SH3D19: variants seen among roughly 807,000 people sequenced by gnomAD.
SH3D19 encodes the protein SH3 domain containing 19, also known as SH3 domain-containing protein 19.
Under a neutral mutation model 112.1 loss-of-function variants are expected in SH3D19, and 58 were observed. The ratio of observed to expected loss-of-function variants is 0.52; its 90% CI spans 0.42 to 0.64. SH3D19 has a LOEUF of 0.64. Ranked by LOEUF, SH3D19 falls within the 30% of genes least tolerant of loss-of-function variation. The pLI is 0.00. For missense variants in SH3D19, 1,090 were observed against 1,263.4 expected, an observed-to-expected ratio of 0.86 and a Z score of 2.08; for synonymous variants, 391 against 448.5, an observed-to-expected ratio of 0.87 and a Z score of 1.62.
intron 15 of SH3D19, among the ~76,000 whole-genome samples, chr4:151,133,868 T>G (rs1182808161): frequency 6.6e-6 from 1 of 152,190 alleles, no homozygotes; most frequent in African/African-American, 2.4e-5. Flanking sequence ...AATCCTTACA[T>G]GATCTGCAAT....
intron 1 of SH3D19, among the ~76,000 whole-genome samples, chr4:151,267,071 C>A (rs1368855023): frequency 4.6e-5 from 7 of 151,298 alleles, no homozygotes; most frequent in Non-Finnish European, 5.9e-5. Flanking sequence ...GTAATCCCAG[C>A]ACTTCTGGAG....
intron 1 of SH3D19, among the ~76,000 whole-genome samples, chr4:151,258,739 G>A (rs979817619): frequency 5.3e-5 from 8 of 152,304 alleles, no homozygotes; most frequent in African/African-American, 1.9e-4. Context: ...AGGGGGTGAA[G>A]ACCAAAGGAG....
intron 2 of SH3D19, among the ~76,000 whole-genome samples, chr4:151,206,435 C>T (rs1765124265): frequency 6.6e-6 from 1 of 152,100 alleles, no homozygotes; most frequent in African/African-American, 2.4e-5. Flanking sequence ...CAATACACTT[C>T]CCTCTTCATA....
intron 15 of SH3D19, among the ~76,000 whole-genome samples, chr4:151,133,929 T>G (rs1230305550): frequency 6.6e-6 from 1 of 152,176 alleles, no homozygotes; most frequent in Admixed American, 6.6e-5. Flanking sequence ...CTCTAGAAGG[T>G]GTGCTTTAAT....
intron 19 of SH3D19, among the ~76,000 whole-genome samples, chr4:151,124,030 T>C (rs1205094067): frequency 2.0e-5 from 3 of 152,186 alleles, no homozygotes; most frequent in Admixed American, 6.5e-5. Context: ...TCCTAAATTA[T>C]AATTTAATAG....
At chr4:151,320,475 C>A (rs916788353) in intron 1 of SH3D19, among the ~76,000 whole-genome samples, 6 of 151,986 alleles carry the variant, frequency 3.9e-5, no homozygotes, top group African/African-American at 1.4e-4. Flanking sequence ...GGATAGAAAT[C>A]ATGTTCTTAA....
At chr4:151,307,892 G>A (rs1036489379) in intron 1 of SH3D19, among the ~76,000 whole-genome samples, 4 of 152,124 alleles carry the variant, frequency 2.6e-5, no homozygotes, top group Admixed American at 6.5e-5. Context: ...TAAAGACTAC[G>A]TTAAACCATC....
chr4:151,255,258 TCA>T (rs1271479267), intron 1 of SH3D19, among the ~76,000 whole-genome samples: 1 of 147,608 alleles, frequency 6.8e-6, no homozygotes, highest in East Asian at 2.1e-4. Context: ...GAGGGGCTCC[TCA>T]CTTCTCAGAC....
At chr4:151,223,272 T>A (rs1157216074) in intron 2 of SH3D19, among the ~76,000 whole-genome samples, 1 of 152,124 alleles carries the variant, frequency 6.6e-6, no homozygotes, top group African/African-American at 2.4e-5. Context: ...CTGCCACTGA[T>A]GATCTTTGCC....
intron 8 of SH3D19, among the ~76,000 whole-genome samples, 158 bp downstream of exon 8, chr4:151,165,431 T>G (rs902306057): frequency 2.6e-5 from 4 of 152,240 alleles, no homozygotes; most frequent in Admixed American, 6.5e-5. Context: ...TTTACTGAAC[T>G]AATTCTTCGA....
intron 2 of SH3D19, among the ~76,000 whole-genome samples, chr4:151,200,767 T>C (rs998017811): frequency 1.3e-5 from 2 of 152,254 alleles, no homozygotes; most frequent in African/African-American, 4.8e-5. Context: ...GTTTGAAAAC[T>C]ATCATCTGAA....
intron 7 of SH3D19, among the ~76,000 whole-genome samples, chr4:151,174,210 C>A (rs1036431447): frequency 1.3e-5 from 2 of 152,174 alleles, no homozygotes; most frequent in African/African-American, 4.8e-5. Flanking sequence ...TCTGAGGAGC[C>A]CCTCTGGGGC....
In SH3D19 at chr4:151,291,361, A is replaced by C. The variant is rs746486111; in HGVS notation, c.112+33880T>G. The C allele has an allele frequency of 4.3e-6, 7 of 1,613,938 alleles. No individual in the cohort carries two copies. In the South Asian group the frequency reaches 7.7e-5, roughly 18 times the overall value. On this transcript the variant is annotated intron_variant, in intron 1 of 19. Transcript: ENST00000604030. ...TCCCTCCTGTGCCTTTGGACCTAAC[A>C]CTATACACAGAGTAGGCACTGTAGC...
In SH3D19 at chr4:151,121,923, A is replaced by G. The variant is rs1579576767; in HGVS notation, c.*168T>C. On this transcript the variant is annotated 3_prime_UTR_variant, in exon 20 of 20. Transcript: ENST00000604030. ...TGTGCATGTTTCTATTGTAATGAAA[A>G]TTAACTACAAAATCTGAACGTTTTC... 11 of 501,348 alleles carry G rather than the reference A, an allele frequency of 2.2e-5. No homozygotes were observed. The highest frequency in any genetic ancestry group is 3.2e-5 in the Non-Finnish European group (9 of 284,748). The allele number at this position is 501,348 out of a possible 1,614,324, so 31.1% of individuals were successfully genotyped here. A position where few individuals can be genotyped will look rare whatever the true frequency, so the allele number is the denominator to read the frequency against.
intron 8 of SH3D19, 130 bp downstream of exon 8, chr4:151,165,459 A>G (rs74439947): frequency 0.051 from 34,703 of 684,072 alleles, 1,614 homozygotes; most frequent in East Asian, 0.18. Flanking sequence ...TGAAAAAACA[A>G]TTTGCTTTTA....
In SH3D19 at chr4:151,122,235, T is replaced by C. The variant is rs746256495; in HGVS notation, c.3028-28A>G. The C allele has an allele frequency of 3.2e-6, 4 of 1,262,126 alleles. No homozygotes were observed. The South Asian group carries it at 4.8e-5, about 15-fold the overall frequency. The allele number at this position is 1,262,126 out of a possible 1,614,324, so 78.2% of individuals were successfully genotyped here. ...GTAAGACAAAAGGAGTTAGAATTAC[T>C]GGTTTCTGTTGAGAATAAGCATGGT... On this transcript the variant is annotated intron_variant, in intron 19 of 19. Coordinates refer to ENST00000604030, the MANE Select transcript of SH3D19 (RefSeq NM_001378122.1).
chr4:151,213,666 G>GAATT (rs148920486), intron 2 of SH3D19, among the ~76,000 whole-genome samples: 33 of 54,462 alleles, frequency 6.1e-4, no homozygotes, highest in Non-Finnish European at 1.3e-3. Context: ...TTAATAATAT[G>GAATT]AATTAATTAA....
chr4:151,176,519 A>G lies in SH3D19; in HGVS notation c.529+15T>C, dbSNP rs1759984652. On this transcript the variant is annotated intron_variant, in intron 6 of 19. Coordinates refer to ENST00000604030, the MANE Select transcript of SH3D19 (RefSeq NM_001378122.1). ...AACTAGGTCAGAATTAGGGAAGACA[A>G]ATTACTTGCATTACTTTGAGGCAGA... 8.1e-7 allele frequency: 1 copy of G among 1,232,006 alleles called. No individual in the cohort carries two copies. The highest frequency in any genetic ancestry group is 1.6e-5 in the African/African-American group (1 of 64,426). The allele number at this position is 1,232,006 out of a possible 1,614,324, so 76.3% of individuals were successfully genotyped here.
intron 2 of SH3D19, among the ~76,000 whole-genome samples, chr4:151,208,778 C>T (rs936662206): frequency 5.3e-5 from 8 of 151,782 alleles, no homozygotes; most frequent in South Asian, 2.1e-4. Flanking sequence ...CCTGGGTTCA[C>T]GCCATTCACC....
Sources: gnomAD v4.1 joint callset for allele counts (sites outside exome capture counted in the v4.1 genomes callset) on GRCh38, gnomAD v4.1.1 for gene constraint, MANE v1.5 for transcripts, NCBI Gene and HGNC (gene_info 2026-07-23, HGNC 2026-07-21) for gene names.